The following LIMS1 variants were observed in gnomAD, a reference collection of about 807,000 sequenced individuals.
LIMS1 encodes the protein LIM zinc finger domain containing 1, also known as LIM and senescent cell antigen-like-containing domain protein 1.
In LIMS1, 18 loss-of-function variants were observed where a neutral mutation model predicts 44.1. The observed-to-expected ratio is 0.41, with a 90% confidence interval of 0.28 to 0.61. The LOEUF is 0.61. LIMS1 is among the 20% of genes least tolerant of loss of function. The pLI is 0.32. For missense variants in LIMS1, 201 were observed against 422.0 expected, an observed-to-expected ratio of 0.48 and a Z score of 4.59; for synonymous variants, 93 against 149.1, an observed-to-expected ratio of 0.62 and a Z score of 2.74.
intron 1 of LIMS1, among the ~76,000 whole-genome samples, chr2:108,549,275 GTTTCTT>G (rs1488213513): frequency 4.5e-4 from 39 of 86,480 alleles, no homozygotes; most frequent in South Asian, 1.3e-3. Flanking sequence ...CAAGTAAAGT[GTTTCTT>G]TTTTTTTTTT....
chr2:108,569,951 T>C (rs1034342013), intron 1 of LIMS1, among the ~76,000 whole-genome samples: 2 of 151,998 alleles, frequency 1.3e-5, no homozygotes, highest in Non-Finnish European at 2.9e-5. Flanking sequence ...GAAGGGATAT[T>C]TATTTTGGGA....
chr2:108,618,419 G>C (rs1212233290), intron 1 of LIMS1, among the ~76,000 whole-genome samples: 2 of 152,186 alleles, frequency 1.3e-5, no homozygotes, highest in Non-Finnish European at 2.9e-5. Flanking sequence ...GCCCTGCTGT[G>C]TGTCCTGGGT....
chr2:108,553,043 C>T (rs918331150), intron 1 of LIMS1, among the ~76,000 whole-genome samples: 3 of 152,162 alleles, frequency 2.0e-5, no homozygotes, highest in Admixed American at 1.3e-4. Flanking sequence ...GGTACCAGTG[C>T]ATGAGAAATC....
At chr2:108,556,119 C>T (rs1200151541) in intron 1 of LIMS1, among the ~76,000 whole-genome samples, 1 of 152,084 alleles carries the variant, frequency 6.6e-6, no homozygotes, top group African/African-American at 2.4e-5. Flanking sequence ...GCCCCCAGCC[C>T]CTAGTAACTT....
chr2:108,559,360 T>A (rs910055063), intron 1 of LIMS1, among the ~76,000 whole-genome samples: 3 of 152,230 alleles, frequency 2.0e-5, no homozygotes, highest in Non-Finnish European at 2.9e-5. Flanking sequence ...TGATTTGCAT[T>A]ACATGTAATT....
At chr2:108,674,456 C>T (rs1692372968) in intron 5 of LIMS1, among the ~76,000 whole-genome samples, 1 of 151,778 alleles carries the variant, frequency 6.6e-6, no homozygotes, top group Non-Finnish European at 1.5e-5. Context: ...GGTGCAGTGG[C>T]ACACGCCTGT....
chr2:108,682,314 A>G (rs1427842155), intron 9 of LIMS1, among the ~76,000 whole-genome samples: 1 of 152,166 alleles, frequency 6.6e-6, no homozygotes, highest in Non-Finnish European at 1.5e-5. Context: ...CCTGGGCAAC[A>G]TGGTGAAGCC....
intron 1 of LIMS1, among the ~76,000 whole-genome samples, chr2:108,567,009 G>A (rs1171470579): frequency 6.6e-6 from 1 of 152,142 alleles, no homozygotes; most frequent in African/African-American, 2.4e-5. Context: ...TATATCCATT[G>A]AATAGCAACT....
At chr2:108,642,167 TA>T (rs1262827306) in intron 1 of LIMS1, among the ~76,000 whole-genome samples, 2 of 152,140 alleles carry the variant, frequency 1.3e-5, no homozygotes, top group African/African-American at 4.8e-5. Flanking sequence ...ATTTGTGGAA[TA>T]GAATGAAGCA....
intron 1 of LIMS1, among the ~76,000 whole-genome samples, chr2:108,552,534 TTATA>T (rs924913341): frequency 1.4e-5 from 2 of 146,322 alleles, no homozygotes; most frequent in African/African-American, 5.0e-5. Flanking sequence ...TCTTATATAT[TTATA>T]TATATACACT....
At chr2:108,619,613 G>A (rs1688127330) in intron 1 of LIMS1, among the ~76,000 whole-genome samples, 1 of 152,128 alleles carries the variant, frequency 6.6e-6, no homozygotes, top group Admixed American at 6.5e-5. Context: ...GAACCCGGGA[G>A]GCGGAGGTTA....
intron 1 of LIMS1, among the ~76,000 whole-genome samples, chr2:108,608,684 A>C (rs977699119): frequency 3.9e-5 from 6 of 152,148 alleles, no homozygotes; most frequent in Non-Finnish European, 8.8e-5. Flanking sequence ...CATTTCATTG[A>C]AGACATCACT....
chr2:108,660,277 G>A, intron 2 of LIMS1: 1 of 468,342 alleles, frequency 2.1e-6, no homozygotes, highest in Non-Finnish European at 4.4e-6. Flanking sequence ...AAGTATTTTA[G>A]GGAACTATAC....
intron 1 of LIMS1, among the ~76,000 whole-genome samples, chr2:108,613,772 A>C (rs1353234332): frequency 6.6e-6 from 1 of 151,548 alleles, no homozygotes; most frequent in African/African-American, 2.4e-5. Flanking sequence ...CTCTTGTCTC[A>C]TTTCACCTCC....
At chr2:108,545,778 T>C (rs1684462616) in intron 1 of LIMS1, among the ~76,000 whole-genome samples, 1 of 152,168 alleles carries the variant, frequency 6.6e-6, no homozygotes, top group Non-Finnish European at 1.5e-5. Flanking sequence ...TCATAATAAA[T>C]GGGAAAATGA....
rs114672355 is a variant in LIMS1 at position 108,547,397 on chromosome 2, T to C, written c.32+12803T>C. Among the ~76,000 whole-genome samples, 768 of 152,298 alleles carry C rather than the reference T, an allele frequency of 5.0e-3. 6 individuals carry two copies. Among genetic ancestry groups the C allele is most frequent in the African/African-American group, 0.018 (729 of 41,556 alleles). ...CAGCATAGGTCAGTTTGCTAACTGC[T>C]GGCTCCAAGAGGGTGGACACTCTCT... On this transcript the variant is annotated intron_variant, in intron 1 of 9. Coordinates refer to ENST00000544547, the Ensembl canonical transcript of LIMS1.
chr2:108,535,674 C>G (rs1011183470), intron 1 of LIMS1, among the ~76,000 whole-genome samples: 31 of 152,298 alleles, frequency 2.0e-4, no homozygotes, highest in African/African-American at 7.2e-4. Flanking sequence ...TAAAAGCCGT[C>G]AGATACAAGG....
intron 1 of LIMS1, among the ~76,000 whole-genome samples, chr2:108,612,163 T>C (rs1573446931): frequency 6.6e-6 from 1 of 151,642 alleles, no homozygotes; most frequent in East Asian, 1.9e-4. Flanking sequence ...TTTCTTTTAT[T>C]AGTCTCACAG....
chr2:108,683,611 T>G (rs1177743889), intron 9 of LIMS1, among the ~76,000 whole-genome samples: 1 of 151,954 alleles, frequency 6.6e-6, no homozygotes, highest in Non-Finnish European at 1.5e-5. Context: ...TCCTGTTTAC[T>G]TAGTACTGAA....
Sources: gnomAD v4.1 joint callset for allele counts (sites outside exome capture counted in the v4.1 genomes callset) on GRCh38, gnomAD v4.1.1 for gene constraint, MANE v1.5 for transcripts, NCBI Gene and HGNC (gene_info 2026-07-23, HGNC 2026-07-21) for gene names.